NEDD9: variants seen among roughly 807,000 people sequenced by gnomAD.
The protein encoded by NEDD9 is neural precursor cell expressed, developmentally down-regulated 9.
NEDD9 carries 26 observed loss-of-function variants against 76.6 expected under a neutral mutation model. The ratio of observed to expected loss-of-function variants is 0.34; its 90% CI spans 0.25 to 0.47. The LOEUF (loss-of-function observed/expected upper bound fraction) is 0.47. Ranked by LOEUF, NEDD9 falls within the 20% of genes least tolerant of loss-of-function variation. The pLI is 1.00. For missense variants in NEDD9, 937 were observed against 1,058.5 expected, an observed-to-expected ratio of 0.89 and a Z score of 1.59; for synonymous variants, 392 against 414.2, an observed-to-expected ratio of 0.95 and a Z score of 0.65.
intron 3 of NEDD9, among the ~76,000 whole-genome samples, chr6:11,302,261 T>C (rs1761068091): frequency 6.6e-6 from 1 of 151,896 alleles, no homozygotes. Flanking sequence ...AACTAGAAAA[T>C]CTAGAAGAAA....
intron 2 of NEDD9, among the ~76,000 whole-genome samples, chr6:11,208,639 G>A (rs1175225662): frequency 6.6e-6 from 1 of 152,222 alleles, no homozygotes; most frequent in African/African-American, 2.4e-5. Flanking sequence ...AGGCAGCCAT[G>A]GCCCCTGTGC....
At chr6:11,233,584 C>T, upstream of NEDD9, 2 of 506,704 alleles carry the variant, frequency 3.9e-6, no homozygotes, top group South Asian at 1.4e-5. Flanking sequence ...CACTTATTAT[C>T]CAGGAGAACG....
At position 11,213,246 on chromosome 6, in the gene NEDD9, A is replaced by C; in HGVS notation, c.459+35T>G. On this transcript the variant is annotated intron_variant, in intron 2 of 6. Transcript: ENST00000379446. The surrounding 1 kb of genome is among the most constrained non-coding windows in gnomAD (Gnocchi z 5.4). The stretch of plus-strand genomic sequence containing the variant: ...CCAAGTGTAATGGGAAAAAAAAATA[A>C]GTAGGAACAAAAATTTAGTTAGTCA... 2 of 1,537,252 alleles carry C rather than the reference A, an allele frequency of 1.3e-6. No homozygotes were observed. The highest frequency in any genetic ancestry group is 1.8e-6 in the Non-Finnish European group (2 of 1,141,096).
rs113923054 is a variant in NEDD9 at position 11,263,855 on chromosome 6, C to T, written c.12+42137G>A. Among the ~76,000 whole-genome samples the T allele has an allele frequency of 1.8e-3, 274 of 152,320 alleles. 1 individual carries two copies. The highest frequency in any genetic ancestry group is 6.1e-3 in the African/African-American group (255 of 41,566). ...TTTAATGTATGCTTCTGTAAGCCTA[C>T]ATCCTTGCAAACCTTAGTCAAGATA... On this transcript the variant is annotated intron_variant, in intron 3 of 3. Transcript: ENST00000397378.
At position 11,349,053 on chromosome 6, in the gene NEDD9, A is replaced by G. The variant is rs538762646; in HGVS notation, c.-213-14492T>C. ...TACATCTGTCTAATATCCAGAACCC[A>G]TAAGAAACTTTAACAAATTTACAAG... On this transcript the variant is annotated intron_variant, in intron 1 of 3. Transcript: ENST00000397378. Among the ~76,000 whole-genome samples, 4 of 152,362 alleles carry G rather than the reference A, an allele frequency of 2.6e-5. No homozygotes were observed. In the South Asian group the frequency reaches 8.3e-4, roughly 32 times the overall value.
At chr6:11,250,282 T>A (rs547608394) in intron 3 of NEDD9, among the ~76,000 whole-genome samples, 138 of 152,288 alleles carry the variant, frequency 9.1e-4, no homozygotes, top group Admixed American at 2.8e-3. Flanking sequence ...AGAGCCCCCA[T>A]GACAAGCACA....
intron 3 of NEDD9, among the ~76,000 whole-genome samples, chr6:11,287,038 T>A (rs577610636): frequency 1.1e-4 from 16 of 152,324 alleles, no homozygotes; most frequent in Non-Finnish European, 7.4e-5. Flanking sequence ...CACAATTTTT[T>A]AAAAAATAAA....
chr6:11,332,426 T>C (rs2113503960), intron 2 of NEDD9, among the ~76,000 whole-genome samples: 1 of 152,192 alleles, frequency 6.6e-6, no homozygotes, highest in South Asian at 2.1e-4. Flanking sequence ...AGACTGGGAG[T>C]TTCCTTGCTA....
chr6:11,200,537 T>G, intron 2 of NEDD9: 1 of 1,095,136 alleles, frequency 9.1e-7, no homozygotes, highest in Non-Finnish European at 1.1e-6. Flanking sequence ...AAGAATGTTA[T>G]GTATGTCTTA....
At chr6:11,242,034 C>T (rs1457215132) in intron 3 of NEDD9, among the ~76,000 whole-genome samples, 2 of 152,204 alleles carry the variant, frequency 1.3e-5, no homozygotes, top group Admixed American at 6.5e-5. Context: ...CTCCAGCTAT[C>T]AGCAATCTTT....
intron 4 of NEDD9, 65 bp from the exon 5 acceptor site, chr6:11,191,270 T>C: frequency 6.7e-7 from 1 of 1,502,600 alleles, no homozygotes; most frequent in South Asian, 1.3e-5. Context: ...TGTGGTCCCA[T>C]GTGCTCAGTC....
At chr6:11,340,409 C>G (rs1762249124) in intron 1 of NEDD9, among the ~76,000 whole-genome samples, 1 of 152,126 alleles carries the variant, frequency 6.6e-6, no homozygotes, top group Middle Eastern at 3.4e-3. Context: ...TCATATGCAC[C>G]AGGTATAATT....
In NEDD9 at chr6:11,303,916, A is replaced by G. The variant is rs555735293; in HGVS notation, c.12+2076T>C. On this transcript the variant is annotated intron_variant, in intron 3 of 3. Transcript: ENST00000397378. ...GACATGGGCAAGGACTTCATGACTA[A>G]AATACCAAAAGCAATGGCAACAAAA... is the stretch of plus-strand genomic sequence containing the variant. Among the ~76,000 whole-genome samples the G allele has an allele frequency of 7.2e-5, 11 of 152,358 alleles. No homozygotes were observed. In the East Asian group the frequency reaches 2.1e-3, roughly 29 times the overall value.
At chr6:11,233,016 A>G (rs1456388060), upstream of NEDD9, among the ~76,000 whole-genome samples, 3 of 152,152 alleles carry the variant, frequency 2.0e-5, no homozygotes, top group African/African-American at 7.2e-5. Context: ...CCTGTGACCT[A>G]GCAACTCCTT....
At chr6:11,332,027 C>T (rs1762049058) in intron 2 of NEDD9, among the ~76,000 whole-genome samples, 2 of 152,018 alleles carry the variant, frequency 1.3e-5, no homozygotes, top group South Asian at 4.1e-4. Flanking sequence ...TGTCATTGGC[C>T]CAAGTTTGAA....
At chr6:11,288,255 G>A (rs1760691638) in intron 3 of NEDD9, among the ~76,000 whole-genome samples, 1 of 152,220 alleles carries the variant, frequency 6.6e-6, no homozygotes, top group Non-Finnish European at 1.5e-5. Flanking sequence ...GCCGAGGGTG[G>A]TGTTTACCTT....
At chr6:11,200,353 G>A in intron 2 of NEDD9, 1 of 521,824 alleles carries the variant, frequency 1.9e-6, no homozygotes. Context: ...GAGGCTGGCA[G>A]AAGGAAACAA....
intron 1 of NEDD9, among the ~76,000 whole-genome samples, chr6:11,365,463 C>G (rs1372782519): frequency 6.6e-6 from 1 of 152,204 alleles, no homozygotes; most frequent in Non-Finnish European, 1.5e-5. Flanking sequence ...CATCTTCACC[C>G]TACACTCCTT....
At chr6:11,272,901 T>C (rs1174444868) in intron 3 of NEDD9, among the ~76,000 whole-genome samples, 1 of 152,242 alleles carries the variant, frequency 6.6e-6, no homozygotes, top group Non-Finnish European at 1.5e-5. Flanking sequence ...ATGTTCTTCA[T>C]AGCTGTTTGC....
Sources: allele counts gnomAD v4.1 joint callset (sites outside exome capture counted in the v4.1 genomes callset), GRCh38; gene constraint gnomAD v4.1.1; non-coding constraint Gnocchi (gnomAD v3.1); transcripts MANE v1.5; gene names NCBI Gene and HGNC (gene_info 2026-07-23, HGNC 2026-07-21).